The following PKN2 variants were observed in gnomAD, a reference collection of about 807,000 sequenced individuals.
PKN2 encodes the protein serine/threonine-protein kinase N2.
PKN2 carries 38 observed loss-of-function variants against 119.1 expected under a neutral mutation model. That is an observed-to-expected ratio of 0.32 (90% CI 0.25 to 0.42). The LOEUF is 0.42. PKN2 is among the 10% of genes least tolerant of loss of function. The pLI, the probability that PKN2 is intolerant of heterozygous loss-of-function variation, is 1.00. For synonymous variants in PKN2, 390 were observed against 384.9 expected (o/e 1.01, Z -0.15); for missense variants, 850 against 1,165.1 (o/e 0.73, Z 3.94).
At chr1:88,703,154 G>A (rs1028060779) in intron 1 of PKN2, among the ~76,000 whole-genome samples, 7 of 151,880 alleles carry the variant, frequency 4.6e-5, no homozygotes, top group Non-Finnish European at 8.8e-5. Flanking sequence ...CTTAATGTGC[G>A]CTAAATAAAT....
rs139446517 is a variant in PKN2, at chr1:88,763,641, A to G, written c.504+3265A>G. 1.9e-3 allele frequency among the ~76,000 whole-genome samples: 285 copies of G among 150,686 alleles called. 3 individuals are homozygous for G. Among genetic ancestry groups the G allele is most frequent in the African/African-American group, 6.5e-3 (267 of 41,150 alleles). ...AAAAAAAAAAAGAAAGTTCACATCC[A>G]TCCTCCTCAGACTTAAAGAATTAAA... On this transcript the variant is annotated intron_variant, in intron 3 of 21. Coordinates refer to ENST00000370521, the MANE Select transcript of PKN2 (RefSeq NM_006256.4).
In PKN2 at chr1:88,813,716, T is replaced by C. The variant is rs966495830; in HGVS notation, c.2262T>C (p.Phe754=). The change falls in exon 16 of 22, where the codon TTT becomes TTC. Residue 754 remains phenylalanine, a synonymous_variant. Transcript: ENST00000370521. ...TGATGCACATTCATACTGATGTCTTTTCTGAACCAAGAGCTGTGTGAGTAT... is the reference window on the plus strand; with the variant it reads ...TGATGCACATTCATACTGATGTCTTCTCTGAACCAAGAGCTGTGTGAGTAT... ...DLMMHIHTDV[F]SEPRAVFYAA... 2 of 1,594,486 alleles carry C rather than the reference T, an allele frequency of 1.3e-6. No homozygotes were observed. The highest frequency in any genetic ancestry group is 1.4e-5 in the African/African-American group (1 of 73,406).
At chr1:88,800,007 G>A (rs991863157) in intron 8 of PKN2, among the ~76,000 whole-genome samples, 3 of 152,252 alleles carry the variant, frequency 2.0e-5, no homozygotes, top group South Asian at 2.1e-4. Context: ...AATTTTCCAG[G>A]TATTGAGTTT....
intron 2 of PKN2, among the ~76,000 whole-genome samples, chr1:88,751,398 A>G (rs1324832388): frequency 6.7e-6 from 1 of 149,962 alleles, no homozygotes; most frequent in Non-Finnish European, 1.5e-5. Context: ...ACACACACAC[A>G]CACACCTGAC....
intron 1 of PKN2, among the ~76,000 whole-genome samples, chr1:88,711,124 GAC>G (rs1667218499): frequency 6.6e-6 from 1 of 152,120 alleles, no homozygotes; most frequent in Non-Finnish European, 1.5e-5. Context: ...GGGAACAACA[GAC>G]ACTGGAGCCT....
chr1:88,795,162 C>CT (rs1671010591), intron 8 of PKN2, among the ~76,000 whole-genome samples: 1 of 152,194 alleles, frequency 6.6e-6, no homozygotes, highest in African/African-American at 2.4e-5. Context: ...CAGACCTCAG[C>CT]TTTCTCCTAT....
chr1:88,796,979 A>G (rs1307297422), intron 8 of PKN2, among the ~76,000 whole-genome samples: 1 of 151,628 alleles, frequency 6.6e-6, no homozygotes, highest in African/African-American at 2.4e-5. Flanking sequence ...CACTCTAGTC[A>G]ATACAGTGAT....
chr1:88,757,820 A>T (rs1310126795), intron 2 of PKN2, among the ~76,000 whole-genome samples: 2 of 151,874 alleles, frequency 1.3e-5, no homozygotes, highest in Admixed American at 1.3e-4. Flanking sequence ...AGGTAGGTGG[A>T]TCATGAGGTC....
intron 2 of PKN2, among the ~76,000 whole-genome samples, chr1:88,759,904 A>G (rs1669371740): frequency 6.6e-6 from 1 of 152,220 alleles, no homozygotes; most frequent in Non-Finnish European, 1.5e-5. Flanking sequence ...AGAGGGGTTC[A>G]TAGCCAAATT....
At chr1:88,810,092 A>G (rs777520009) in intron 15 of PKN2, among the ~76,000 whole-genome samples, 7 of 152,178 alleles carry the variant, frequency 4.6e-5, no homozygotes, top group Non-Finnish European at 1.0e-4. Flanking sequence ...AAAGAAGGCA[A>G]GAAAAAAATT....
intron 8 of PKN2, among the ~76,000 whole-genome samples, chr1:88,803,129 A>G (rs758777956): frequency 4.6e-5 from 7 of 152,198 alleles, no homozygotes; most frequent in Non-Finnish European, 5.9e-5. Flanking sequence ...CATATTAATT[A>G]TGAGTCAGAG....
chr1:88,832,930 T>C (rs1672790459), intron 20 of PKN2, 79 bp downstream of exon 20: 4 of 1,210,468 alleles, frequency 3.3e-6, no homozygotes, highest in Non-Finnish European at 4.7e-6. Context: ...CCAGTAGAAC[T>C]TTAAAAGCTG....
intron 1 of PKN2, among the ~76,000 whole-genome samples, chr1:88,688,703 A>G (rs1666210842): frequency 6.6e-6 from 1 of 152,156 alleles, no homozygotes; most frequent in Admixed American, 6.5e-5. Context: ...TGCTTGCCCA[A>G]AACTTCCCAA....
At chr1:88,718,985 T>G (rs959818740) in intron 1 of PKN2, among the ~76,000 whole-genome samples, 2 of 152,210 alleles carry the variant, frequency 1.3e-5, no homozygotes, top group African/African-American at 4.8e-5. Flanking sequence ...CCCTCCCCAT[T>G]CCTAAACCCC....
In PKN2 at chr1:88,741,258, ATTG is replaced by A. The variant is rs766040776; in HGVS notation, c.324_326del (p.Val109del). ...CAAGCTGCAGGAATTAAATGCACAT[ATTG>A]TTGTATCAGATCCAGAAGATATTAC... is the stretch of plus-strand genomic sequence containing the variant. On this transcript the variant is annotated inframe_deletion, in exon 2 of 22. Coordinates refer to ENST00000370521, the MANE Select transcript of PKN2 (RefSeq NM_006256.4). The A allele has an allele frequency of 1.3e-6, 2 of 1,592,082 alleles. No homozygotes were observed. Among genetic ancestry groups the A allele is most frequent in the South Asian group, 1.2e-5 (1 of 86,260 alleles).
intron 4 of PKN2, among the ~76,000 whole-genome samples, 177 bp downstream of exon 4, chr1:88,770,646 C>T (rs372156543): frequency 6.8e-6 from 1 of 146,754 alleles, no homozygotes; most frequent in South Asian, 2.1e-4. Context: ...AGTGCAGTGG[C>T]GGGATCTCGG....
chr1:88,714,413 A>G (rs540371982), intron 1 of PKN2, among the ~76,000 whole-genome samples: 2 of 152,314 alleles, frequency 1.3e-5, no homozygotes, highest in South Asian at 4.1e-4. Context: ...CCTATCCATG[A>G]GCATGGAACG....
At chr1:88,831,607 C>G (rs1014086454) in intron 19 of PKN2, among the ~76,000 whole-genome samples, 2 of 151,956 alleles carry the variant, frequency 1.3e-5, no homozygotes, top group Non-Finnish European at 2.9e-5. Context: ...ATTAGAAGCT[C>G]AGCCTTAAGA....
intron 6 of PKN2, among the ~76,000 whole-genome samples, chr1:88,773,795 A>G (rs980268349): frequency 1.2e-4 from 19 of 152,130 alleles, no homozygotes; most frequent in Non-Finnish European, 2.1e-4. Context: ...AGAAAGAAAG[A>G]GAGAGAAACA....
Sources: gnomAD v4.1 joint callset for allele counts (sites outside exome capture counted in the v4.1 genomes callset) on GRCh38, gnomAD v4.1.1 for gene constraint, MANE v1.5 for transcripts, NCBI Gene and HGNC (gene_info 2026-07-23, HGNC 2026-07-21) for gene names.